The following ASB15 variants were observed in gnomAD, a reference collection of about 807,000 sequenced individuals.
ASB15 encodes ankyrin repeat and SOCS box protein 15.
In ASB15, 54 loss-of-function variants were observed where a neutral mutation model predicts 58.0. The observed-to-expected ratio is 0.93, with a 90% CI of 0.75 to 1.17. The LOEUF (loss-of-function observed/expected upper bound fraction) is 1.17. ASB15 is among the 50% of genes most tolerant of loss of function. ASB15 has a pLI of 0.00. For missense variants in ASB15, 680 were observed against 707.4 expected, an observed-to-expected ratio of 0.96 and a Z score of 0.44; for synonymous variants, 249 against 262.4, an observed-to-expected ratio of 0.95 and a Z score of 0.50.
chr7:123,637,877 C>CAAAAAAAAAA lies in ASB15; in HGVS notation c.*896_*897insAAAAAAAAAA, dbSNP rs1459949582. ...CAAATTCAACATGTCCCCAGATGAA[C>CAAAAAAAAAA]TAAAAAAAAAAAAAAAAAAAAAACC... is the stretch of plus-strand genomic sequence containing the variant. On this transcript the variant is annotated 3_prime_UTR_variant, in exon 12 of 12. Transcript: ENST00000451215. The CAAAAAAAAAA allele has an allele frequency of 5.2e-5, 1 of 19,122 alleles. No individual in the cohort carries two copies. The highest frequency in any genetic ancestry group is 9.2e-5 in the Non-Finnish European group (1 of 10,832). The allele number at this position is 19,122 out of a possible 1,614,324, so 1.2% of individuals were successfully genotyped here.
chr7:123,636,480 A>T (rs1203684912), intron 11 of ASB15, among the ~76,000 whole-genome samples: 1 of 152,166 alleles, frequency 6.6e-6, no homozygotes, highest in Non-Finnish European at 1.5e-5. Context: ...TATAATACTT[A>T]GCTCTAAAAA....
Position 123,628,985 on chromosome 7 carries a change from G to A in ASB15, c.991G>A (p.Gly331Ser), listed in dbSNP as rs1214826483. ...GTGTCTAGAACTGCTCATTGAAAAT[G>A]GTTTTGATGTCAACACTCTACTTGC... ...AQCLELLIEN[G>S]FDVNTLLADH... The change falls in exon 10 of 12, where the codon GGT becomes AGT. Residue 331 changes from glycine (G) to serine (S), a missense_variant. Transcript: ENST00000451215. 11 of 1,613,302 alleles carry A rather than the reference G, an allele frequency of 6.8e-6. No homozygotes were observed. The highest frequency in any genetic ancestry group is 9.3e-6 in the Non-Finnish European group (11 of 1,179,274).
chr7:123,609,784 T>G (rs1267051846), intron 3 of ASB15, among the ~76,000 whole-genome samples: 2 of 152,206 alleles, frequency 1.3e-5, no homozygotes, highest in African/African-American at 4.8e-5. Flanking sequence ...ATCAGCTGCC[T>G]TTACAGGAAG....
rs544551121 is a variant in ASB15 at position 123,630,090 on chromosome 7, G to C, written c.1565G>C (p.Arg522Thr). ...CTGAAGTCTGCACTAGAAGTACAGA[G>C]AGAATGGCCAGAAATCCGCCAAATA... ...AKLKSALEVQ[R>T]EWPEIRQILE... Residue 522 changes from arginine (R) to threonine (T), a missense_variant, in exon 11 of 12, where the codon AGA (arginine) becomes ACA (threonine). By Grantham distance (71) the Arg-to-Thr change is moderately conservative (BLOSUM62 -1). Coordinates refer to ENST00000451215, the MANE Select transcript of ASB15 (RefSeq NM_001290258.2). The C allele has an allele frequency of 3.0e-4, 478 of 1,598,374 alleles. 8 individuals carry two copies. The South Asian group carries it at 5.2e-3, about 17-fold the overall frequency.
At chr7:123,609,936 G>A (rs759140936) in intron 3 of ASB15, among the ~76,000 whole-genome samples, 18 of 152,150 alleles carry the variant, frequency 1.2e-4, no homozygotes, top group Non-Finnish European at 2.2e-4. Flanking sequence ...CTGGTATGTC[G>A]ATCCTGTTGT....
intron 1 of ASB15, among the ~76,000 whole-genome samples, chr7:123,570,133 C>G (rs925860118): frequency 3.4e-5 from 5 of 147,700 alleles, no homozygotes; most frequent in African/African-American, 1.3e-4. Flanking sequence ...CTCCCGGGTT[C>G]ACACCATTCT....
intron 1 of ASB15, among the ~76,000 whole-genome samples, chr7:123,581,380 GTGAAAACAAAACA>G (rs1317025513): frequency 7.0e-6 from 1 of 142,434 alleles, no homozygotes; most frequent in Non-Finnish European, 1.5e-5. Context: ...GAGTGTGGGA[GTGAAAACAAAACA>G]TGATCATTCA....
chr7:123,627,911 T>G (rs768255279), intron 9 of ASB15, among the ~76,000 whole-genome samples: 28 of 152,226 alleles, frequency 1.8e-4, no homozygotes, highest in Non-Finnish European at 3.7e-4. Context: ...AACTTTGAAG[T>G]AATCGGGCTT....
chr7:123,594,042 C>T lies in ASB15; in HGVS notation c.-442-9990C>T, dbSNP rs186667215. 2.6e-4 allele frequency among the ~76,000 whole-genome samples: 40 copies of T among 152,128 alleles called. No homozygotes were observed. The South Asian group carries it at 6.2e-3, about 24-fold the overall frequency. On this transcript the variant is annotated intron_variant, in intron 1 of 13. Transcript: ENST00000451558. ...ATTTCACTAATTTGATCATCAATCA[C>T]GATATCCCTTCTTCTGCTTGATCAA...
intron 3 of ASB15, among the ~76,000 whole-genome samples, chr7:123,609,993 G>T (rs1800354458): frequency 6.6e-6 from 1 of 152,150 alleles, no homozygotes; most frequent in Admixed American, 6.6e-5. Flanking sequence ...CAGAATGAAG[G>T]CAAGCTTAGG....
intron 8 of ASB15, among the ~76,000 whole-genome samples, chr7:123,626,463 T>C (rs570860637): frequency 4.6e-5 from 7 of 152,158 alleles, no homozygotes; most frequent in African/African-American, 1.7e-4. Flanking sequence ...CAGAGTGAGA[T>C]TCTGTCAACA....
chr7:123,630,158 G>A (rs769976708), intron 11 of ASB15, 39 bp downstream of exon 11: 2 of 1,461,176 alleles, frequency 1.4e-6, no homozygotes, highest in Non-Finnish European at 1.9e-6. Context: ...TTTAAATTAA[G>A]AACTTATATG....
At chr7:123,623,192 T>C (rs1454435822) in intron 7 of ASB15, 1 of 152,236 alleles carries the variant, frequency 6.6e-6, no homozygotes, top group African/African-American at 2.4e-5. Context: ...ACAGAGCCTT[T>C]AGTGGAGCTA....
intron 1 of ASB15, among the ~76,000 whole-genome samples, chr7:123,573,783 C>T (rs1172574793): frequency 6.6e-6 from 1 of 151,938 alleles, no homozygotes; most frequent in Admixed American, 6.6e-5. Context: ...AGTCTAAAGA[C>T]CAATAGCTTT....
At chr7:123,572,333 G>A (rs564432285) in intron 1 of ASB15, among the ~76,000 whole-genome samples, 1 of 151,206 alleles carries the variant, frequency 6.6e-6, no homozygotes, top group African/African-American at 2.4e-5. Context: ...GTAGAGACAG[G>A]TTTCACCATG....
At chr7:123,614,630 C>T (rs769923192) in intron 4 of ASB15, 21 bp downstream of exon 4, 1 of 1,470,356 alleles carries the variant, frequency 6.8e-7, no homozygotes, top group Non-Finnish European at 9.5e-7. Context: ...AACCAACTAT[C>T]CTCAGCAAAA....
chr7:123,570,799 A>T (rs1174664262), intron 1 of ASB15, among the ~76,000 whole-genome samples: 2 of 152,092 alleles, frequency 1.3e-5, no homozygotes, highest in Non-Finnish European at 2.9e-5. Context: ...TCCATTTCCC[A>T]TTACCACTGC....
chr7:123,601,654 A>G (rs1167211571), upstream of ASB15, among the ~76,000 whole-genome samples: 1 of 152,142 alleles, frequency 6.6e-6, no homozygotes, highest in Non-Finnish European at 1.5e-5. Flanking sequence ...AGTTCTTTGA[A>G]CCAATCAGGA....
intron 11 of ASB15, among the ~76,000 whole-genome samples, chr7:123,634,325 G>C (rs1802301283): frequency 6.6e-6 from 1 of 152,010 alleles, no homozygotes; most frequent in Admixed American, 6.6e-5. Context: ...TCCTGCATTA[G>C]TTTGCTGAGG....
Sources: gnomAD v4.1 joint callset for allele counts (sites outside exome capture counted in the v4.1 genomes callset) on GRCh38, gnomAD v4.1.1 for gene constraint, MANE v1.5 for transcripts, NCBI Gene and HGNC (gene_info 2026-07-23, HGNC 2026-07-21) for gene names.